Variants in MAD1L1 observed in about 807,000 individuals in gnomAD.
The protein encoded by MAD1L1 is mitotic spindle assembly checkpoint protein MAD1.
A neutral mutation model predicts 96.9 loss-of-function variants in MAD1L1; 95 were observed. The observed-to-expected ratio is 0.98, with a 90% CI of 0.83 to 1.16. MAD1L1 has a LOEUF of 1.16. Among genes scored for constraint, MAD1L1 ranks in the 50% most tolerant of loss-of-function variants. The pLI, the probability that MAD1L1 is intolerant of heterozygous loss-of-function variation, is 0.00. For synonymous variants in MAD1L1, 473 were observed against 396.6 expected, an observed-to-expected ratio of 1.19 and a Z score of -2.29; for missense variants, 1,007 against 954.4, an observed-to-expected ratio of 1.06 and a Z score of -0.73.
intron 18 of MAD1L1, among the ~76,000 whole-genome samples, chr7:1,861,872 C>G (rs1450315892): frequency 6.9e-6 from 1 of 145,944 alleles, no homozygotes; most frequent in East Asian, 2.1e-4. Context: ...ACTGCTCCGC[C>G]TGCCCCCTGG....
intron 11 of MAD1L1, among the ~76,000 whole-genome samples, chr7:2,126,946 G>A (rs1002020052): frequency 2.0e-5 from 3 of 152,208 alleles, no homozygotes; most frequent in Non-Finnish European, 4.4e-5. Flanking sequence ...TTTAAACAAC[G>A]GCAGATTACA....
At chr7:1,874,978 G>A (rs1306642678) in intron 18 of MAD1L1, among the ~76,000 whole-genome samples, 1 of 152,138 alleles carries the variant, frequency 6.6e-6, no homozygotes, top group East Asian at 1.9e-4. Context: ...GGGAGCTCCA[G>A]GGCAGGCATA....
At chr7:2,121,050 G>C (rs1257866079) in intron 11 of MAD1L1, among the ~76,000 whole-genome samples, 2 of 152,206 alleles carry the variant, frequency 1.3e-5, no homozygotes, top group African/African-American at 2.4e-5. Flanking sequence ...TGACGGCAGG[G>C]CTCCTGCAGA....
intron 18 of MAD1L1, among the ~76,000 whole-genome samples, chr7:1,890,422 G>A (rs2128437315): frequency 6.6e-6 from 1 of 152,346 alleles, no homozygotes; most frequent in South Asian, 2.1e-4. Context: ...CCTGCCATGT[G>A]ATCTCTGCCC....
intron 13 of MAD1L1, among the ~76,000 whole-genome samples, chr7:2,007,773 A>T (rs1010648269): frequency 1.3e-5 from 2 of 152,268 alleles, no homozygotes; most frequent in African/African-American, 4.8e-5. Flanking sequence ...TCTGGCACGC[A>T]GATATTCACA....
intron 18 of MAD1L1, among the ~76,000 whole-genome samples, chr7:1,885,111 G>A (rs1583652530): frequency 6.6e-6 from 1 of 152,320 alleles, no homozygotes; most frequent in South Asian, 2.1e-4. Context: ...CAGGAGCAGA[G>A]GCCCTGTGGT....
At chr7:1,856,885 C>T (rs1038695384) in intron 18 of MAD1L1, among the ~76,000 whole-genome samples, 1 of 152,144 alleles carries the variant, frequency 6.6e-6, no homozygotes, top group Non-Finnish European at 1.5e-5. Flanking sequence ...GCCTGGACCT[C>T]GCTGCCTGTG....
intron 13 of MAD1L1, among the ~76,000 whole-genome samples, chr7:2,006,602 G>C (rs1378192975): frequency 1.3e-5 from 2 of 150,356 alleles, no homozygotes; most frequent in Admixed American, 6.6e-5. Context: ...GAAGAGAGAG[G>C]ACATCATTAA....
At chr7:2,003,040 C>A (rs115585959) in intron 13 of MAD1L1, among the ~76,000 whole-genome samples, 11,154 of 150,030 alleles carry the variant, frequency 0.074, 592 homozygotes, top group South Asian at 0.16. Flanking sequence ...TGTGAGACCC[C>A]CCCAGGCCAC....
At chr7:2,228,472 C>G (rs1476063820) in intron 3 of MAD1L1, among the ~76,000 whole-genome samples, 3 of 151,954 alleles carry the variant, frequency 2.0e-5, no homozygotes, top group Non-Finnish European at 4.4e-5. Flanking sequence ...AGGCTGGTCT[C>G]AAATTCCTGA....
chr7:1,892,846 C>G (rs551645420), intron 18 of MAD1L1, among the ~76,000 whole-genome samples: 69 of 152,372 alleles, frequency 4.5e-4, no homozygotes, highest in African/African-American at 1.6e-3. Context: ...ATCCCAGAAG[C>G]TCACGGTTTT....
intron 11 of MAD1L1, among the ~76,000 whole-genome samples, chr7:2,086,619 C>T (rs375191687): frequency 6.6e-6 from 1 of 152,208 alleles, no homozygotes; most frequent in Non-Finnish European, 1.5e-5. Flanking sequence ...CAATGGCACG[C>T]TCTCGGCTCA....
At chr7:1,929,853 T>C (rs375294543) in intron 17 of MAD1L1, among the ~76,000 whole-genome samples, 54 of 88 alleles carry the variant, frequency 0.61, 19 homozygotes, top group Non-Finnish European at 0.82. Context: ...CGTCCCCTCA[T>C]CCCGTCCCCA....
chr7:2,087,680 G>C (rs1015082393), intron 11 of MAD1L1, among the ~76,000 whole-genome samples: 2 of 152,338 alleles, frequency 1.3e-5, no homozygotes, highest in Admixed American at 6.5e-5. Context: ...TCCTGCCTGT[G>C]CCGATCGCAA....
chr7:1,892,073 G>A (rs1786578389), intron 18 of MAD1L1, among the ~76,000 whole-genome samples: 1 of 152,170 alleles, frequency 6.6e-6, no homozygotes, highest in African/African-American at 2.4e-5. Context: ...CTACGCAGGT[G>A]CACCGTCTTC....
chr7:2,118,046 C>T (rs1419915376), intron 11 of MAD1L1, among the ~76,000 whole-genome samples: 4 of 152,200 alleles, frequency 2.6e-5, no homozygotes, highest in Non-Finnish European at 2.9e-5. Context: ...GAGGATCAGG[C>T]CACCCAACTG....
chr7:2,203,188 G>A (rs1180913995), intron 10 of MAD1L1, among the ~76,000 whole-genome samples: 1 of 152,362 alleles, frequency 6.6e-6, no homozygotes, highest in East Asian at 1.9e-4. Flanking sequence ...TCTTGGCCAC[G>A]AGCAAATGAT....
chr7:1,838,652 G>A (rs563705106), intron 18 of MAD1L1: 529 of 422,800 alleles, frequency 1.3e-3, no homozygotes, highest in Admixed American at 3.3e-3. Flanking sequence ...CACAGACAGC[G>A]GCTGCCGACG....
intron 11 of MAD1L1, among the ~76,000 whole-genome samples, chr7:2,140,186 G>A (rs779811296): frequency 1.8e-4 from 28 of 152,296 alleles, no homozygotes; most frequent in Non-Finnish European, 4.0e-4. Context: ...TCCCACTCTT[G>A]TCAATCCTTG....
Sources: allele counts gnomAD v4.1 joint callset (sites outside exome capture counted in the v4.1 genomes callset), GRCh38; gene constraint gnomAD v4.1.1; transcripts MANE v1.5; gene names NCBI Gene and HGNC (gene_info 2026-07-23, HGNC 2026-07-21).